Variants in CSMD1 observed in about 807,000 individuals in gnomAD.
CSMD1 encodes CUB and sushi domain-containing protein 1.
Under a neutral mutation model 417.5 loss-of-function variants are expected in CSMD1, and 213 were observed. The observed-to-expected ratio is 0.51, with a 90% CI of 0.46 to 0.57. The LOEUF is 0.57. CSMD1 is among the 20% of genes least tolerant of loss of function. CSMD1 has a pLI of 0.00. For synonymous variants in CSMD1, 2,862 were observed against 1,736.8 expected (o/e 1.65, Z -16.11); for missense variants, 6,923 against 4,529.7 (o/e 1.53, Z -15.17).
At position 3,597,239 on chromosome 8, in the gene CSMD1, C is replaced by A. The variant is rs1213536697; in HGVS notation, c.1098-10979G>T. On this transcript the variant is annotated intron_variant, in intron 8 of 69. Coordinates refer to ENST00000635120, the MANE Select transcript of CSMD1 (RefSeq NM_033225.6). Reference sequence around the variant, plus strand: ...TGGTAAACATCGGGCCCCAGGGGTACACCCAGGCTGTCTAGAGGCACCGGT... The same window carrying A: ...TGGTAAACATCGGGCCCCAGGGGTAAACCCAGGCTGTCTAGAGGCACCGGT... 2.0e-5 allele frequency among the ~76,000 whole-genome samples: 3 copies of A among 152,262 alleles called. No individual in the cohort carries two copies. In the East Asian group the frequency reaches 5.8e-4, roughly 30 times the overall value.
intron 5 of CSMD1, among the ~76,000 whole-genome samples, chr8:3,938,225 G>C (rs916873184): frequency 1.3e-5 from 2 of 152,068 alleles, no homozygotes; most frequent in Non-Finnish European, 2.9e-5. Flanking sequence ...CACTGATGAA[G>C]CCATGTGTAA....
chr8:4,151,929 T>G (rs966628456), intron 3 of CSMD1, among the ~76,000 whole-genome samples: 1 of 152,140 alleles, frequency 6.6e-6, no homozygotes, highest in Admixed American at 6.5e-5. Context: ...CAGAGATAAG[T>G]TTTGCCTGCA....
chr8:3,703,333 G>C (rs945679622), intron 7 of CSMD1, among the ~76,000 whole-genome samples: 12 of 152,136 alleles, frequency 7.9e-5, no homozygotes, highest in African/African-American at 2.2e-4. Context: ...TGATGAACGT[G>C]GGTTCCCAAA....
At position 3,565,223 on chromosome 8, in the gene CSMD1, C is replaced by T. The variant is rs112334617; in HGVS notation, c.1344+9722G>A. 3.5e-3 allele frequency among the ~76,000 whole-genome samples: 362 copies of T among 104,344 alleles called. 3 individuals carry two copies. The highest frequency in any genetic ancestry group is 0.012 in the African/African-American group (344 of 29,130). 68.5% of individuals were successfully genotyped at this position (104,344 alleles called of 152,430 possible). On this transcript the variant is annotated intron_variant, in intron 10 of 69. Coordinates refer to ENST00000635120, the MANE Select transcript of CSMD1 (RefSeq NM_033225.6). ...ACAGATAGATAGATAGAGAGATAGACAGATAGATAGATTAATGATGACAGC... is the reference window on the plus strand; with the variant it reads ...ACAGATAGATAGATAGAGAGATAGATAGATAGATAGATTAATGATGACAGC...
chr8:4,720,744 A>G (rs1808997973), intron 1 of CSMD1, among the ~76,000 whole-genome samples: 1 of 152,154 alleles, frequency 6.6e-6, no homozygotes, highest in South Asian at 2.1e-4. Context: ...TATTTGGAAT[A>G]TTTATAAAGT....
At chr8:3,611,981 A>G (rs1801915349) in intron 8 of CSMD1, among the ~76,000 whole-genome samples, 1 of 152,132 alleles carries the variant, frequency 6.6e-6, no homozygotes, top group African/African-American at 2.4e-5. Flanking sequence ...CAAATAATAT[A>G]CTCAGTTATT....
At chr8:4,329,129 A>G (rs945624944) in intron 3 of CSMD1, among the ~76,000 whole-genome samples, 1 of 152,192 alleles carries the variant, frequency 6.6e-6, no homozygotes, top group South Asian at 2.1e-4. Flanking sequence ...ATGGCTTCCA[A>G]ACGTGTGTTA....
At chr8:4,434,785 A>G (rs1798060405) in intron 2 of CSMD1, among the ~76,000 whole-genome samples, 1 of 152,158 alleles carries the variant, frequency 6.6e-6, no homozygotes, top group African/African-American at 2.4e-5. Flanking sequence ...TCCACACTCC[A>G]GACCCTGCAC....
intron 10 of CSMD1, among the ~76,000 whole-genome samples, chr8:3,509,205 C>A (rs998617497): frequency 1.3e-5 from 2 of 152,106 alleles, no homozygotes; most frequent in East Asian, 1.9e-4. Flanking sequence ...GAAATCTGGG[C>A]AATTAGAGAA....
At chr8:4,106,891 A>G (rs1057353061) in intron 3 of CSMD1, among the ~76,000 whole-genome samples, 2 of 152,192 alleles carry the variant, frequency 1.3e-5, no homozygotes, top group Non-Finnish European at 2.9e-5. Flanking sequence ...CATCGTTAAT[A>G]TTTAAAAACA....
chr8:3,506,491 G>C (rs1450957041), intron 10 of CSMD1, among the ~76,000 whole-genome samples: 1 of 152,184 alleles, frequency 6.6e-6, no homozygotes, highest in Non-Finnish European at 1.5e-5. Context: ...GTTACTTCCA[G>C]TCACTCTTCC....
chr8:3,943,692 A>T (rs1443218720), intron 5 of CSMD1, among the ~76,000 whole-genome samples: 1 of 152,178 alleles, frequency 6.6e-6, no homozygotes, highest in South Asian at 2.1e-4. Flanking sequence ...TGAACTGAAG[A>T]CACAATGCCA....
intron 5 of CSMD1, among the ~76,000 whole-genome samples, chr8:3,843,030 G>T (rs977136973): frequency 6.6e-6 from 1 of 152,088 alleles, no homozygotes; most frequent in African/African-American, 2.4e-5. Context: ...AGGATTATTA[G>T]TATTCACATT....
chr8:4,872,455 C>T (rs1399841836), intron 1 of CSMD1, among the ~76,000 whole-genome samples: 1 of 152,010 alleles, frequency 6.6e-6, no homozygotes, highest in Non-Finnish European at 1.5e-5. Context: ...TAAGAGGATT[C>T]CTCCCATCAC....
chr8:3,794,217 T>C (rs1799913293), intron 5 of CSMD1, among the ~76,000 whole-genome samples: 1 of 152,162 alleles, frequency 6.6e-6, no homozygotes, highest in Non-Finnish European at 1.5e-5. Context: ...GGGGTTTCCT[T>C]CTTGGGACAA....
At chr8:4,571,822 G>A (rs559696157) in intron 2 of CSMD1, among the ~76,000 whole-genome samples, 1 of 152,260 alleles carries the variant, frequency 6.6e-6, no homozygotes, top group Admixed American at 6.5e-5. Flanking sequence ...TATATTGGGT[G>A]CATATATATT....
chr8:4,079,669 T>G (rs1541718), intron 3 of CSMD1, among the ~76,000 whole-genome samples: 1 of 152,032 alleles, frequency 6.6e-6, no homozygotes, highest in Admixed American at 6.6e-5. Flanking sequence ...TTCTTGTGGG[T>G]TCACATTAAT....
intron 1 of CSMD1, among the ~76,000 whole-genome samples, chr8:4,948,738 G>A (rs1254394430): frequency 6.6e-6 from 1 of 152,032 alleles, no homozygotes; most frequent in Non-Finnish European, 1.5e-5. Flanking sequence ...TACCATTTAA[G>A]AAAAGTGATA....
chr8:4,461,913 C>T (rs1217670), intron 2 of CSMD1, among the ~76,000 whole-genome samples: 136,762 of 151,712 alleles, frequency 0.9, 61,686 homozygotes, highest in Middle Eastern at 0.97. Flanking sequence ...GCTAATTTTT[C>T]TGTATTTTTA....
Sources: allele counts gnomAD v4.1 joint callset (sites outside exome capture counted in the v4.1 genomes callset), GRCh38; gene constraint gnomAD v4.1.1; transcripts MANE v1.5; gene names NCBI Gene and HGNC (gene_info 2026-07-23, HGNC 2026-07-21).